The following DLG2 variants were observed in gnomAD, a reference collection of about 807,000 sequenced individuals.
DLG2 encodes discs large MAGUK scaffold protein 2, also known as disks large homolog 2.
A neutral mutation model predicts 132.5 loss-of-function variants in DLG2; 45 were observed. The ratio of observed to expected loss-of-function variants is 0.34; its 90% CI spans 0.27 to 0.44. The LOEUF (loss-of-function observed/expected upper bound fraction) is 0.44, where lower values mean the gene tolerates loss of function less well. Among genes scored for constraint, DLG2 ranks in the 20% least tolerant of loss-of-function variants. The probability of loss-of-function intolerance (pLI) is 1.00; values close to 1 mark genes in which losing one functional copy is unlikely to be tolerated. For missense variants in DLG2, 1,045 were observed against 1,196.9 expected, an observed-to-expected ratio of 0.87 and a Z score of 1.87; for synonymous variants, 424 against 419.6, an observed-to-expected ratio of 1.01 and a Z score of -0.13.
intron 19 of DLG2, among the ~76,000 whole-genome samples, chr11:83,587,233 C>A (rs991671225): frequency 7.9e-5 from 12 of 151,712 alleles, no homozygotes; most frequent in African/African-American, 2.9e-4. Context: ...GCAGCCATAT[C>A]AGCTCCAGTT....
intron 6 of DLG2, among the ~76,000 whole-genome samples, chr11:84,558,523 T>C (rs80112792): frequency 2.5e-4 from 38 of 152,278 alleles, no homozygotes; most frequent in African/African-American, 8.7e-4. Flanking sequence ...TCTGCTAGCA[T>C]CCTTTTGGCT....
At chr11:83,476,922 C>T (rs9787866) in intron 22 of DLG2, among the ~76,000 whole-genome samples, 29,980 of 151,938 alleles carry the variant, frequency 0.2, 3,148 homozygotes, top group Middle Eastern at 0.22. Context: ...GGAGTAAAGA[C>T]ATCTAAGGGC....
chr11:83,883,635 G>A (rs1396976081), intron 15 of DLG2, among the ~76,000 whole-genome samples: 1 of 152,150 alleles, frequency 6.6e-6, no homozygotes. Flanking sequence ...TGGCCTCAAA[G>A]CCTGAAACAC....
At chr11:83,836,992 C>T (rs932155616) in intron 16 of DLG2, among the ~76,000 whole-genome samples, 3 of 152,156 alleles carry the variant, frequency 2.0e-5, no homozygotes, top group Admixed American at 6.5e-5. Context: ...TTCAGCTCCG[C>T]GCTTGGATCC....
intron 3 of DLG2, among the ~76,000 whole-genome samples, chr11:85,395,492 C>T (rs959491257): frequency 6.6e-6 from 1 of 152,156 alleles, no homozygotes; most frequent in African/African-American, 2.4e-5. Flanking sequence ...GGGGATTCCA[C>T]TTTCCTAGCC....
intron 17 of DLG2, chr11:83,814,639 C>T (rs549975061): frequency 1.0e-3 from 162 of 156,462 alleles, no homozygotes; most frequent in Non-Finnish European, 1.6e-3. Context: ...AAACTGAATG[C>T]GCTCTCCTAG....
intron 11 of DLG2, among the ~76,000 whole-genome samples, chr11:84,019,925 A>T (rs1245219054): frequency 1.3e-5 from 2 of 152,168 alleles, no homozygotes; most frequent in African/African-American, 4.8e-5. Context: ...TAAGCCACTT[A>T]ATTTGTGGTA....
chr11:84,523,479 T>TGTGTTA (rs1287082883), intron 7 of DLG2, among the ~76,000 whole-genome samples: 1 of 152,202 alleles, frequency 6.6e-6, no homozygotes, highest in East Asian at 1.9e-4. Flanking sequence ...GCACTAACAG[T>TGTGTTA]CTCAGAATTA....
At chr11:85,287,531 A>G (rs1292819343) in intron 3 of DLG2, among the ~76,000 whole-genome samples, 1 of 152,154 alleles carries the variant, frequency 6.6e-6, no homozygotes, top group Non-Finnish European at 1.5e-5. Context: ...CTAGAAAAAG[A>G]CATGAATCCT....
chr11:85,118,048 A>C (rs2073877323), intron 5 of DLG2, among the ~76,000 whole-genome samples: 1 of 152,102 alleles, frequency 6.6e-6, no homozygotes, highest in South Asian at 2.1e-4. Flanking sequence ...GGTTAGTGTT[A>C]ACTTTTTTCA....
At chr11:84,925,036 TAGA>T (rs764600024) in intron 6 of DLG2, among the ~76,000 whole-genome samples, 1 of 152,140 alleles carries the variant, frequency 6.6e-6, no homozygotes, top group Non-Finnish European at 1.5e-5. Context: ...ATGCAAAACA[TAGA>T]AGAACTTAAA....
At chr11:84,861,883 G>A (rs2083751105) in intron 6 of DLG2, among the ~76,000 whole-genome samples, 1 of 151,950 alleles carries the variant, frequency 6.6e-6, no homozygotes, top group African/African-American at 2.4e-5. Context: ...CATGTCCTTT[G>A]TAGGGACATG....
chr11:83,817,074 T>C (rs531510442), intron 17 of DLG2, among the ~76,000 whole-genome samples: 1 of 152,318 alleles, frequency 6.6e-6, no homozygotes, highest in South Asian at 2.1e-4. Context: ...ATTCATTATA[T>C]ATTTATAAGA....
intron 3 of DLG2, among the ~76,000 whole-genome samples, chr11:85,583,077 T>A (rs1261434735): frequency 2.5e-4 from 30 of 120,798 alleles, no homozygotes; most frequent in East Asian, 7.2e-4. Flanking sequence ...TATATATATA[T>A]AATATATGTG....
intron 7 of DLG2, among the ~76,000 whole-genome samples, chr11:84,258,449 A>T (rs902513808): frequency 6.6e-6 from 1 of 152,244 alleles, no homozygotes; most frequent in Non-Finnish European, 1.5e-5. Flanking sequence ...AAGAATAACA[A>T]TAATAAAGTA....
At chr11:84,536,562 T>C (rs762897181) in intron 6 of DLG2, among the ~76,000 whole-genome samples, 1 of 152,236 alleles carries the variant, frequency 6.6e-6, no homozygotes, top group African/African-American at 2.4e-5. Context: ...ACATTCACTT[T>C]TGATCAGTTA....
intron 3 of DLG2, among the ~76,000 whole-genome samples, chr11:85,398,496 T>C (rs2087657437): frequency 6.6e-6 from 1 of 152,052 alleles, no homozygotes; most frequent in Admixed American, 6.6e-5. Context: ...AGGAGCTGGA[T>C]TTTTGAAAAT....
In DLG2 at chr11:83,455,269, T is replaced by C. The variant is rs550512020; in HGVS notation, c.*4549A>G. On this transcript the variant is annotated 3_prime_UTR_variant, in exon 28 of 28. Coordinates refer to ENST00000376104, the MANE Select transcript of DLG2 (RefSeq NM_001142699.3). The stretch of plus-strand genomic sequence containing the variant: ...AGGAGTGTAAGCTGTGCAGTGTCTC[T>C]GTAAACTCCAGCCTAGGCAAGGAGT... 1.3e-5 allele frequency: 2 copies of C among 152,778 alleles called. No individual in the cohort carries two copies. Among genetic ancestry groups the C allele is most frequent in the South Asian group, 2.1e-4 (1 of 4,828 alleles). 9.5% of individuals were successfully genotyped at this position (152,778 alleles called of 1,614,324 possible). A position where few individuals can be genotyped will look rare whatever the true frequency, so the allele number is the denominator to read the frequency against.
intron 3 of DLG2, among the ~76,000 whole-genome samples, chr11:85,347,892 C>T (rs1365957727): frequency 6.8e-6 from 1 of 146,826 alleles, no homozygotes; most frequent in East Asian, 2.0e-4. Flanking sequence ...CAGCCTCGAC[C>T]TCCTGGGTTT....
Sources: gnomAD v4.1 joint callset for allele counts (sites outside exome capture counted in the v4.1 genomes callset) on GRCh38, gnomAD v4.1.1 for gene constraint, MANE v1.5 for transcripts, NCBI Gene and HGNC (gene_info 2026-07-23, HGNC 2026-07-21) for gene names.